Variants in RAD51B observed in about 807,000 individuals in gnomAD.
RAD51B encodes the protein RAD51 paralog B, also known as DNA repair protein RAD51 homolog 2.
RAD51B carries 38 observed loss-of-function variants against 42.2 expected under a neutral mutation model. That is an observed-to-expected ratio of 0.90 (90% CI 0.70 to 1.18). RAD51B has a LOEUF of 1.18. Among genes scored for constraint, RAD51B ranks in the 50% most tolerant of loss-of-function variants. RAD51B has a pLI of 0.00. For synonymous variants in RAD51B, 154 were observed against 145.2 expected, an observed-to-expected ratio of 1.06 and a Z score of -0.43; for missense variants, 373 against 400.7, an observed-to-expected ratio of 0.93 and a Z score of 0.59.
chr14:68,067,072 G>A lies in RAD51B; in HGVS notation c.756+179868G>A, dbSNP rs78079346. Among the ~76,000 whole-genome samples the A allele has an allele frequency of 8.1e-3, 1,228 of 152,296 alleles. 15 individuals are homozygous for A. Among genetic ancestry groups the A allele is most frequent in the African/African-American group, 0.028 (1,151 of 41,556 alleles). On this transcript the variant is annotated intron_variant, in intron 7 of 10. Coordinates refer to ENST00000471583, the MANE Select transcript of RAD51B (RefSeq NM_133510.4). ...AACTCATTCAGCAAACTTTGTAAGAGTACCTTGTAGGTGCAGAGAAAAGTA... is the reference window on the plus strand; with the variant it reads ...AACTCATTCAGCAAACTTTGTAAGAATACCTTGTAGGTGCAGAGAAAAGTA...
chr14:68,005,331 C>T (rs2075569901), intron 7 of RAD51B, among the ~76,000 whole-genome samples: 1 of 151,954 alleles, frequency 6.6e-6, no homozygotes, highest in South Asian at 2.1e-4. Context: ...GGATTACAGG[C>T]GTGAGCCACC....
rs140020387 is a variant in RAD51B at position 68,355,362 on chromosome 14, C to T, written c.854-56062C>T. On this transcript the variant is annotated intron_variant, in intron 8 of 10. Coordinates refer to ENST00000471583, the MANE Select transcript of RAD51B (RefSeq NM_133510.4). ...GGAATGCAAAAAGATTTGCCTAAAACGTTTAGCTCCTCATTTTGTTACTGG... is the reference window on the plus strand; with the variant it reads ...GGAATGCAAAAAGATTTGCCTAAAATGTTTAGCTCCTCATTTTGTTACTGG... Among the ~76,000 whole-genome samples the T allele has an allele frequency of 6.5e-3, 990 of 152,282 alleles. 6 individuals carry two copies. The highest frequency in any genetic ancestry group is 0.021 in the African/African-American group (864 of 41,534).
At chr14:68,042,777 G>A (rs918333727) in intron 7 of RAD51B, among the ~76,000 whole-genome samples, 1 of 152,218 alleles carries the variant, frequency 6.6e-6, no homozygotes, top group East Asian at 1.9e-4. Context: ...TCAGCACTTT[G>A]TGCATGTTGA....
chr14:68,185,983 C>T (rs1028080888), intron 7 of RAD51B, among the ~76,000 whole-genome samples: 1 of 152,104 alleles, frequency 6.6e-6, no homozygotes, highest in African/African-American at 2.4e-5. Context: ...CTGCAGTAAG[C>T]AAAACAGCAT....
At chr14:68,182,491 G>T (rs1305298887) in intron 7 of RAD51B, among the ~76,000 whole-genome samples, 3 of 152,170 alleles carry the variant, frequency 2.0e-5, no homozygotes, top group Admixed American at 2.0e-4. Flanking sequence ...ATATATTCCA[G>T]TTTCTGATTA....
In RAD51B at chr14:68,064,583, A is replaced by G. The variant is rs1326926827; in HGVS notation, c.756+177379A>G. Reference sequence around the variant, plus strand: ...TTTCTTTTTCTGGGATTCTCATAGTATTAATATTTGTTCACTTAATGGTGT... The same window carrying G: ...TTTCTTTTTCTGGGATTCTCATAGTGTTAATATTTGTTCACTTAATGGTGT... On this transcript the variant is annotated intron_variant, in intron 7 of 10. Coordinates refer to ENST00000471583, the MANE Select transcript of RAD51B (RefSeq NM_133510.4). Among the ~76,000 whole-genome samples, 8 of 151,916 alleles carry G rather than the reference A, an allele frequency of 5.3e-5. 1 individual carries two copies. Among genetic ancestry groups the G allele is most frequent in the Non-Finnish European group, 8.8e-5 (6 of 67,968 alleles).
chr14:68,004,293 A>G (rs1272267166), intron 7 of RAD51B, among the ~76,000 whole-genome samples: 1 of 147,538 alleles, frequency 6.8e-6, no homozygotes, highest in East Asian at 2.0e-4. Context: ...AGATCGCGCC[A>G]CTGCACTCCA....
At chr14:68,263,314 G>T (rs1026997451) in intron 7 of RAD51B, among the ~76,000 whole-genome samples, 1 of 152,170 alleles carries the variant, frequency 6.6e-6, no homozygotes, top group African/African-American at 2.4e-5. Flanking sequence ...TCAGTTCTAA[G>T]AAGCTTATGT....
chr14:67,898,226 G>T (rs1026820744), intron 7 of RAD51B, among the ~76,000 whole-genome samples: 3 of 152,130 alleles, frequency 2.0e-5, no homozygotes, highest in African/African-American at 7.2e-5. Flanking sequence ...CACACACAAT[G>T]ATATATTATT....
At chr14:68,329,127 G>C (rs960951415) in intron 8 of RAD51B, among the ~76,000 whole-genome samples, 2 of 152,066 alleles carry the variant, frequency 1.3e-5, no homozygotes, top group African/African-American at 4.8e-5. Context: ...TCCCACCTTA[G>C]CTTCCCAAGT....
At chr14:68,122,962 C>CAA (rs749632407) in intron 7 of RAD51B, among the ~76,000 whole-genome samples, 1 of 147,898 alleles carries the variant, frequency 6.8e-6, no homozygotes, top group African/African-American at 2.5e-5. Flanking sequence ...ATAAAACAAA[C>CAA]ACACACACAC....
At chr14:68,447,529 T>C (rs1285824830) in intron 9 of RAD51B, among the ~76,000 whole-genome samples, 1 of 152,130 alleles carries the variant, frequency 6.6e-6, no homozygotes, top group Non-Finnish European at 1.5e-5. Context: ...ACAGCTTTTC[T>C]GGCTTATAAG....
At chr14:68,130,264 A>G (rs1169326919) in intron 7 of RAD51B, 1 of 152,208 alleles carries the variant, frequency 6.6e-6, no homozygotes, top group African/African-American at 2.4e-5. Flanking sequence ...TTCCTGGTCT[A>G]TGTAGCAATT....
At position 67,844,694 on chromosome 14, in the gene RAD51B, T is replaced by C. The variant is rs191562346; in HGVS notation, c.315+9498T>C. 1.5e-4 allele frequency among the ~76,000 whole-genome samples: 23 copies of C among 151,686 alleles called. No individual in the cohort carries two copies. In the East Asian group the frequency reaches 4.4e-3, roughly 29 times the overall value. Reference sequence around the variant, plus strand: ...TGCAGGTTTGTTACATATGTATACATGTGCCATGTTGGTGTGCTGCACCCA... The same window carrying C: ...TGCAGGTTTGTTACATATGTATACACGTGCCATGTTGGTGTGCTGCACCCA... On this transcript the variant is annotated intron_variant, in intron 4 of 10. Transcript: ENST00000471583.
chr14:68,051,682 T>C (rs1595326633), intron 7 of RAD51B, among the ~76,000 whole-genome samples: 1 of 151,990 alleles, frequency 6.6e-6, no homozygotes, highest in East Asian at 1.9e-4. Context: ...CACTGTAACC[T>C]CAGACTCCTG....
At chr14:68,289,475 G>A (rs984866814) in intron 7 of RAD51B, among the ~76,000 whole-genome samples, 1 of 152,182 alleles carries the variant, frequency 6.6e-6, no homozygotes, top group Admixed American at 6.5e-5. Context: ...AGCACTCTGG[G>A]AGGCCGAGGT....
At chr14:68,364,235 C>T (rs915357432) in intron 8 of RAD51B, among the ~76,000 whole-genome samples, 3 of 152,228 alleles carry the variant, frequency 2.0e-5, no homozygotes, top group African/African-American at 7.2e-5. Flanking sequence ...TGCGCCCACT[C>T]CTCATCGCGG....
intron 7 of RAD51B, among the ~76,000 whole-genome samples, chr14:68,289,139 A>C (rs1428689381): frequency 6.6e-6 from 1 of 152,212 alleles, no homozygotes; most frequent in Non-Finnish European, 1.5e-5. Flanking sequence ...TATTGTTAGA[A>C]CCAACTGCCT....
Position 68,412,584 on chromosome 14 carries a change from T to C in RAD51B, c.957+1057T>C, listed in dbSNP as rs957171635. Among the ~76,000 whole-genome samples, 5 of 152,206 alleles carry C rather than the reference T, an allele frequency of 3.3e-5. No homozygotes were observed. The South Asian group carries it at 1.0e-3, about 31-fold the overall frequency. ...ATAATTTTCCAAACCAGAGAATTCT[T>C]CTTGGTTTGCTTTGGACTATGTAAA... is the stretch of plus-strand genomic sequence containing the variant. On this transcript the variant is annotated intron_variant, in intron 9 of 10. Coordinates refer to ENST00000471583, the MANE Select transcript of RAD51B (RefSeq NM_133510.4).
Sources: gnomAD v4.1 joint callset for allele counts (sites outside exome capture counted in the v4.1 genomes callset) on GRCh38, gnomAD v4.1.1 for gene constraint, MANE v1.5 for transcripts, NCBI Gene and HGNC (gene_info 2026-07-23, HGNC 2026-07-21) for gene names.